The following COL8A2 variants were observed in gnomAD, a reference collection of about 807,000 sequenced individuals.
COL8A2 encodes the protein collagen alpha-2(VIII) chain.
A neutral mutation model predicts 24.0 loss-of-function variants in COL8A2; 16 were observed. That is an observed-to-expected ratio of 0.67 (90% CI 0.45 to 1.01). The LOEUF (loss-of-function observed/expected upper bound fraction) is 1.01. Among genes scored for constraint, COL8A2 ranks in the 50% least tolerant of loss-of-function variants. The probability of loss-of-function intolerance (pLI) is 0.00; values close to 1 mark genes in which losing one functional copy is unlikely to be tolerated. For synonymous variants in COL8A2, 466 were observed against 424.5 expected, an observed-to-expected ratio of 1.10 and a Z score of -1.20; for missense variants, 818 against 942.4, an observed-to-expected ratio of 0.87 and a Z score of 1.73.
intron 2 of COL8A2, among the ~76,000 whole-genome samples, chr1:36,109,065 G>A (rs866011975): frequency 2.0e-5 from 3 of 152,298 alleles, no homozygotes; most frequent in Middle Eastern, 6.8e-3. Flanking sequence ...TGGATGAAAC[G>A]CAGCCCTGCG....
At chr1:36,116,916 G>A (rs1643882267) in intron 1 of COL8A2, among the ~76,000 whole-genome samples, 1 of 152,208 alleles carries the variant, frequency 6.6e-6, no homozygotes, top group Non-Finnish European at 1.5e-5. Context: ...CCTCAATCAG[G>A]TGTGGTGCCA....
Position 36,098,667 on chromosome 1 carries a change from G to A in COL8A2, c.1014C>T (p.Asp338=), listed in dbSNP as rs764026885. The A allele has an allele frequency of 3.7e-6, 6 of 1,610,016 alleles. No homozygotes were observed. In the East Asian group the frequency reaches 1.3e-4, roughly 36 times the overall value. Residue 338 remains aspartate, a synonymous_variant, in exon 4 of 4, where the codon GAC becomes GAT. Coordinates refer to ENST00000397799, the MANE Select transcript of COL8A2 (RefSeq NM_005202.4). The part of the protein sequence containing the change: ...GPAGVPGLLG[D]RGEPGEDGEP... ...CCCCATCCTCCCCTGGCTCACCCCT[G>A]TCCCCCAAGAGTCCTGGGACCCCAG...
chr1:36,118,823 G>C (rs1032779512), intron 1 of COL8A2, among the ~76,000 whole-genome samples: 6 of 152,218 alleles, frequency 3.9e-5, no homozygotes, highest in African/African-American at 4.8e-5. Flanking sequence ...CAGAGATGGG[G>C]CTCATGGGAA....
intron 1 of COL8A2, among the ~76,000 whole-genome samples, chr1:36,122,067 T>G (rs920567891): frequency 1.3e-5 from 2 of 152,248 alleles, no homozygotes; most frequent in African/African-American, 4.8e-5. Flanking sequence ...AGAATCTGAA[T>G]AGAAGCACGG....
At chr1:36,107,893 C>T (rs1282058732) in intron 2 of COL8A2, among the ~76,000 whole-genome samples, 1 of 152,176 alleles carries the variant, frequency 6.6e-6, no homozygotes, top group Non-Finnish European at 1.5e-5. Context: ...ACCTGGGAAA[C>T]TGGCTGGACG....
At chr1:36,111,611 C>T (rs1401994088) in intron 2 of COL8A2, among the ~76,000 whole-genome samples, 1 of 151,542 alleles carries the variant, frequency 6.6e-6, no homozygotes, top group African/African-American at 2.4e-5. Context: ...CAGTGGTGTA[C>T]ATGACCACAG....
chr1:36,112,614 C>G (rs1643858870), intron 2 of COL8A2, among the ~76,000 whole-genome samples: 1 of 152,130 alleles, frequency 6.6e-6, no homozygotes, highest in African/African-American at 2.4e-5. Flanking sequence ...CTGGCACACC[C>G]CCGTCACTAA....
At position 36,097,431 on chromosome 1, in the gene COL8A2, A is replaced by T; in HGVS notation, c.*138T>A. On this transcript the variant is annotated 3_prime_UTR_variant, in exon 4 of 4. Transcript: ENST00000397799. ...CTCAGCCTGCATGCAGGGAGAAAGC[A>T]AGTTAGTCTCCTCGGGCCAAGGCCA... The T allele has an allele frequency of 1.4e-6, 1 of 714,848 alleles. No homozygotes were observed. The highest frequency in any genetic ancestry group is 2.4e-6 in the Non-Finnish European group (1 of 415,722). 44.3% of individuals were successfully genotyped at this position (714,848 alleles called of 1,614,324 possible).
Position 36,099,014 on chromosome 1 carries a change from C to A in COL8A2, c.667G>T (p.Gly223Cys). ...PGLPGAPGQG[G>C]APGPPGLPGP... ...GGGAGGCCGGGGGGGCCGGGGGCACCCCCCTGCCCTGGGGCCCCAGGCAGC... is the reference window on the plus strand; with the variant it reads ...GGGAGGCCGGGGGGGCCGGGGGCACACCCCTGCCCTGGGGCCCCAGGCAGC... Residue 223 changes from glycine (G) to cysteine (C), a missense_variant, in exon 4 of 4, where the codon GGT (glycine) becomes TGT (cysteine). Gly to Cys is a radical substitution (Grantham distance 159). Around this residue, in one of 3 missense-constraint regions of COL8A2, gnomAD observed 573 missense variants for 616.8 expected, o/e 0.93. Coordinates refer to ENST00000397799, the MANE Select transcript of COL8A2 (RefSeq NM_005202.4). 6.4e-7 allele frequency: 1 copy of A among 1,570,832 alleles called. No homozygotes were observed. Among genetic ancestry groups the A allele is most frequent in the Non-Finnish European group, 8.6e-7 (1 of 1,159,292 alleles).
chr1:36,106,652 G>C (rs78280482), intron 2 of COL8A2, among the ~76,000 whole-genome samples: 2,736 of 152,278 alleles, frequency 0.018, 34 homozygotes, highest in Non-Finnish European at 0.029. Context: ...GGGAGTGATG[G>C]AGGGTGCAGC....
intron 2 of COL8A2, among the ~76,000 whole-genome samples, chr1:36,103,432 C>T (rs552028641): frequency 6.6e-6 from 1 of 152,102 alleles, no homozygotes; most frequent in South Asian, 2.1e-4. Context: ...GCCAACACGC[C>T]CGGCTAATTT....
At position 36,098,764 on chromosome 1, in the gene COL8A2, G is replaced by C. The variant is rs577143856; in HGVS notation, c.917C>G (p.Pro306Arg). 1.9e-6 allele frequency: 3 copies of C among 1,611,878 alleles called. No homozygotes were observed. In the Admixed American group the frequency reaches 5.0e-5, roughly 27 times the overall value. Residue 306 changes from proline (P) to arginine (R), a missense_variant, in exon 4 of 4, where the codon CCC becomes CGC. This residue lies in a region of COL8A2 where 573 missense variants were observed against 616.8 expected (regional missense o/e 0.93). Coordinates refer to ENST00000397799, the MANE Select transcript of COL8A2 (RefSeq NM_005202.4). The stretch of plus-strand genomic sequence containing the variant: ...GCCAGTGGGGCCTATCAGCCCAGGG[G>C]GGCCCCGGGTCCCTGGCTCCCCTTT... Reference protein sequence around the residue: ...GAKGEPGTRGPPGLIGPTGYG... With the variant: ...GAKGEPGTRGRPGLIGPTGYG...
chr1:36,111,897 T>C (rs890205928), intron 2 of COL8A2, among the ~76,000 whole-genome samples: 9 of 152,096 alleles, frequency 5.9e-5, no homozygotes, highest in Admixed American at 2.6e-4. Flanking sequence ...ACTGCTATCA[T>C]TACCTTCTCC....
intron 2 of COL8A2, among the ~76,000 whole-genome samples, chr1:36,107,105 G>A (rs570268909): frequency 5.9e-5 from 9 of 152,302 alleles, no homozygotes; most frequent in African/African-American, 1.4e-4. Context: ...AGAGAGGCCC[G>A]TTAAGAACCT....
chr1:36,103,975 C>A (rs1643718593), intron 2 of COL8A2, among the ~76,000 whole-genome samples: 1 of 151,880 alleles, frequency 6.6e-6, no homozygotes, highest in Non-Finnish European at 1.5e-5. Context: ...AGGCAGATCA[C>A]CTGAGGTCAG....
intron 2 of COL8A2, among the ~76,000 whole-genome samples, chr1:36,100,790 T>G (rs1643667257): frequency 6.6e-6 from 1 of 151,974 alleles, no homozygotes; most frequent in Admixed American, 6.6e-5. Flanking sequence ...GGATTTGTCT[T>G]AGGTCTGTCT....
chr1:36,102,050 C>T (rs76727519), intron 2 of COL8A2, among the ~76,000 whole-genome samples: 59 of 145,882 alleles, frequency 4.0e-4, no homozygotes, highest in African/African-American at 1.4e-3. Flanking sequence ...TGGGTGTGGG[C>T]GTGCTGTGGT....
intron 2 of COL8A2, among the ~76,000 whole-genome samples, chr1:36,112,822 G>C (rs1643861521): frequency 6.6e-6 from 1 of 152,152 alleles, no homozygotes; most frequent in Non-Finnish European, 1.5e-5. Context: ...TCGAGATTCG[G>C]TTGGTGTGGG....
At chr1:36,120,628 A>G (rs759466618) in intron 1 of COL8A2, among the ~76,000 whole-genome samples, 13 of 151,928 alleles carry the variant, frequency 8.6e-5, no homozygotes, top group Admixed American at 2.0e-4. Flanking sequence ...TGTGCCTGTA[A>G]TCCCAGCTAC....
Sources: gnomAD v4.1 joint callset for allele counts (sites outside exome capture counted in the v4.1 genomes callset) on GRCh38, gnomAD v4.1.1 for gene constraint, gnomAD v4.1.1 regional missense constraint, MANE v1.5 for transcripts, NCBI Gene and HGNC (gene_info 2026-07-23, HGNC 2026-07-21) for gene names.